SMC3: variants seen among roughly 807,000 people sequenced by gnomAD.
SMC3 encodes the protein structural maintenance of chromosomes 3, also known as structural maintenance of chromosomes protein 3.
A neutral mutation model predicts 171.8 loss-of-function variants in SMC3; 20 were observed. That is an observed-to-expected ratio of 0.12 (90% CI 0.08 to 0.17). The LOEUF is 0.17. SMC3 is among the 10% of genes least tolerant of loss of function. The probability of loss-of-function intolerance (pLI) is 1.00; values close to 1 mark genes in which losing one functional copy is unlikely to be tolerated. For missense variants in SMC3, 543 were observed against 1,420.4 expected (o/e 0.38, Z 9.93); for synonymous variants, 464 against 451.1 (o/e 1.03, Z -0.36).
intron 20 of SMC3, among the ~76,000 whole-genome samples, chr10:110,598,829 T>C (rs1176155449): frequency 6.6e-6 from 1 of 152,206 alleles, no homozygotes; most frequent in Non-Finnish European, 1.5e-5. Context: ...CATTTGAAGC[T>C]GTGACATAAG....
chr10:110,598,944 GA>G (rs1423534363), intron 20 of SMC3, among the ~76,000 whole-genome samples: 3 of 151,600 alleles, frequency 2.0e-5, no homozygotes, highest in African/African-American at 7.3e-5. Context: ...ATTAAAATTA[GA>G]AAGCAAACTT....
intron 12 of SMC3, 85 bp downstream of exon 12, chr10:110,584,047 C>G: frequency 3.9e-6 from 6 of 1,537,432 alleles, no homozygotes; most frequent in Non-Finnish European, 5.4e-6. Context: ...TATATAGTAG[C>G]TGCTTTTTAC....
rs1002183643 is a variant in SMC3 at position 110,568,923 on chromosome 10, T to G, written c.16-15T>G. 1 of 1,521,164 alleles carries G rather than the reference T, an allele frequency of 6.6e-7. No individual in the cohort carries two copies. Among genetic ancestry groups the G allele is most frequent in the Middle Eastern group, 1.7e-4 (1 of 5,856 alleles). The allele number at this position is 1,521,164 out of a possible 1,614,324, so 94.2% of individuals were successfully genotyped here. A position where few individuals can be genotyped will look rare whatever the true frequency, so the allele number is the denominator to read the frequency against. On this transcript the variant is annotated splice_polypyrimidine_tract_variant and intron_variant, in intron 1 of 28. Transcript: ENST00000361804. Reference sequence around the variant, plus strand: ...TTTGTGGGGTGGGTTCTCAAAAATGTTTTTTATTTACTAGGTGATTATCCA... The same window carrying G: ...TTTGTGGGGTGGGTTCTCAAAAATGGTTTTTATTTACTAGGTGATTATCCA...
chr10:110,592,568 CCTAT>C (rs1163994847), intron 17 of SMC3, among the ~76,000 whole-genome samples: 7 of 152,086 alleles, frequency 4.6e-5, no homozygotes. Context: ...AAAATATTTT[CCTAT>C]CTAATTTAGA....
intron 21 of SMC3, 135 bp from the exon 22 acceptor site, chr10:110,600,304 C>T (rs1050968941): frequency 1.5e-6 from 1 of 648,276 alleles, no homozygotes; most frequent in African/African-American, 1.8e-5. Context: ...AAGTATAGGG[C>T]TTTTTTGAAG....
At chr10:110,590,080 C>A in intron 15 of SMC3, 89 bp downstream of exon 15, 1 of 1,109,560 alleles carries the variant, frequency 9.0e-7, no homozygotes. Flanking sequence ...AGGTGTAGGT[C>A]ATGGGTTCCA....
In SMC3 at chr10:110,604,384, A is replaced by AT. The variant is rs1238164058; in HGVS notation, c.*83dup. On this transcript the variant is annotated 3_prime_UTR_variant, in exon 29 of 29. Coordinates refer to ENST00000361804, the MANE Select transcript of SMC3 (RefSeq NM_005445.4). ...CCAGGAACTGTAAATTTAAACCTAA[A>AT]TATTTGGCCAATAGTTTTCAGACTT... 7.5e-5 allele frequency: 76 copies of AT among 1,011,186 alleles called. No individual in the cohort carries two copies. The East Asian group carries it at 1.9e-3, about 25-fold the overall frequency. 62.6% of individuals were successfully genotyped at this position (1,011,186 alleles called of 1,614,324 possible).
At chr10:110,569,248 A>G (rs1013684948) in intron 2 of SMC3, among the ~76,000 whole-genome samples, 1 of 152,122 alleles carries the variant, frequency 6.6e-6, no homozygotes, top group Non-Finnish European at 1.5e-5. Context: ...GTAGCCTTGT[A>G]TGTGTGTGTA....
At chr10:110,584,966 C>T (rs1861086619) in intron 13 of SMC3, among the ~76,000 whole-genome samples, 2 of 151,444 alleles carry the variant, frequency 1.3e-5, no homozygotes, top group Admixed American at 1.3e-4. Context: ...GTCTTACATA[C>T]CCTTAATTTA....
intron 2 of SMC3, among the ~76,000 whole-genome samples, chr10:110,573,465 G>C (rs942844928): frequency 6.6e-6 from 1 of 152,054 alleles, no homozygotes; most frequent in Non-Finnish European, 1.5e-5. Flanking sequence ...TATTGGGTAA[G>C]AGCAAACGGA....
At position 110,590,427 on chromosome 10, in the gene SMC3, A is replaced by G; in HGVS notation, c.1525A>G (p.Ile509Val). ...AATGKAILNGIDSINKVLDHF... is the reference protein window; with the variant it reads ...AATGKAILNGVDSINKVLDHF... ...CAACTTACAGGCCATTTTAAATGGA[A>G]TAGACAGCATAAACAAAGTGCTAGA... The change falls in exon 16 of 29, where the codon ATA becomes GTA. Residue 509 changes from isoleucine to valine, a missense_variant. Around this residue, in one of 8 missense-constraint regions of SMC3, gnomAD observed 218 missense variants for 509.6 expected, o/e 0.43. Transcript: ENST00000361804. 6.2e-7 allele frequency: 1 copy of G among 1,614,006 alleles called. No individual in the cohort carries two copies. Among genetic ancestry groups the G allele is most frequent in the Non-Finnish European group, 8.5e-7 (1 of 1,179,882 alleles).
intron 20 of SMC3, 24 bp from the exon 21 acceptor site, chr10:110,599,630 T>C: frequency 6.2e-7 from 1 of 1,607,708 alleles, no homozygotes; most frequent in South Asian, 1.1e-5. Context: ...AATACCTTAC[T>C]AATAAATGGA....
At chr10:110,597,500 T>C (rs1353163770) in intron 19 of SMC3, among the ~76,000 whole-genome samples, 1 of 152,232 alleles carries the variant, frequency 6.6e-6, no homozygotes, top group Non-Finnish European at 1.5e-5. Flanking sequence ...AACTGGAATT[T>C]TTTTAAAACT....
At chr10:110,594,564 T>C (rs1159950566) in intron 18 of SMC3, among the ~76,000 whole-genome samples, 2 of 152,136 alleles carry the variant, frequency 1.3e-5, no homozygotes, top group East Asian at 1.9e-4. Context: ...AAAATAAAGA[T>C]GTAAATTTTT....
chr10:110,593,186 G>A lies in SMC3; in HGVS notation c.1926G>A (p.Leu642=). Residue 642 remains leucine, a synonymous_variant, in exon 18 of 29, where the codon CTG becomes CTA. Coordinates refer to ENST00000361804, the MANE Select transcript of SMC3 (RefSeq NM_005445.4). ...GTAGCATGGAAGTTTCAACCCAGCT[G>A]GCCCGTGCTTTCACTATGGACTGTA... is the stretch of plus-strand genomic sequence containing the variant. The part of the protein sequence containing the change: ...ICRSMEVSTQ[L]ARAFTMDCIT... The A allele has an allele frequency of 1.9e-6, 3 of 1,614,136 alleles. No individual in the cohort carries two copies. The highest frequency in any genetic ancestry group is 2.5e-6 in the Non-Finnish European group (3 of 1,179,988).
intron 6 of SMC3, among the ~76,000 whole-genome samples, 178 bp downstream of exon 6, chr10:110,578,092 A>G (rs569895922): frequency 6.6e-6 from 1 of 150,714 alleles, no homozygotes; most frequent in South Asian, 2.1e-4. Context: ...TCTTTTTCTC[A>G]ATACGGAGTC....
chr10:110,583,246 A>C (rs894401914), intron 10 of SMC3, 138 bp from the exon 11 acceptor site: 2 of 721,538 alleles, frequency 2.8e-6, no homozygotes, highest in Non-Finnish European at 4.7e-6. Context: ...TGGAATGATT[A>C]CACAAGGGAG....
At position 110,568,821 on chromosome 10, in the gene SMC3, T is replaced by G. The variant is rs188315536; in HGVS notation, c.16-117T>G. The G allele has an allele frequency of 6.8e-5, 46 of 672,046 alleles. No homozygotes were observed. In the East Asian group the frequency reaches 1.1e-3, roughly 17 times the overall value. 41.6% of individuals were successfully genotyped at this position (672,046 alleles called of 1,614,324 possible). On this transcript the variant is annotated intron_variant, in intron 1 of 28. Coordinates refer to ENST00000361804, the MANE Select transcript of SMC3 (RefSeq NM_005445.4). ...ACCACTTTCCAAAATGAATTTTTCT[T>G]ATATGAAATTTCGAGTTTTCTATAT...
chr10:110,602,708 A>G (rs1464166242), intron 26 of SMC3, 43 bp downstream of exon 26: 15 of 1,586,434 alleles, frequency 9.5e-6, no homozygotes, highest in Non-Finnish European at 1.3e-5. Flanking sequence ...GCATTACCAT[A>G]ATAGAATTTA....
Sources: gnomAD v4.1 joint callset for allele counts (sites outside exome capture counted in the v4.1 genomes callset) on GRCh38, gnomAD v4.1.1 for gene constraint, gnomAD v4.1.1 regional missense constraint, MANE v1.5 for transcripts, NCBI Gene and HGNC (gene_info 2026-07-23, HGNC 2026-07-21) for gene names.